Variants in RHOBTB1 observed in about 807,000 individuals in gnomAD.
RHOBTB1 encodes the protein rho-related BTB domain-containing protein 1.
A neutral mutation model predicts 71.6 loss-of-function variants in RHOBTB1; 40 were observed. That is an observed-to-expected ratio of 0.56 (90% CI 0.43 to 0.73). RHOBTB1 has a LOEUF of 0.73. Among genes scored for constraint, RHOBTB1 ranks in the 30% least tolerant of loss-of-function variants. The pLI, the probability that RHOBTB1 is intolerant of heterozygous loss-of-function variation, is 0.00. For missense variants in RHOBTB1, 797 were observed against 894.0 expected (o/e 0.89, Z 1.38); for synonymous variants, 319 against 334.9 (o/e 0.95, Z 0.52).
chr10:60,936,423 C>T (rs142235548), intron 2 of RHOBTB1, among the ~76,000 whole-genome samples: 193 of 152,292 alleles, frequency 1.3e-3, no homozygotes, highest in African/African-American at 3.2e-3. Flanking sequence ...TGTCAATTTG[C>T]GTATGCACAT....
chr10:60,973,801 T>C (rs907762304), intron 2 of RHOBTB1, among the ~76,000 whole-genome samples: 1 of 152,028 alleles, frequency 6.6e-6, no homozygotes, highest in Non-Finnish European at 1.5e-5. Context: ...ACTTGAGTTA[T>C]ATGTTAGGAA....
In RHOBTB1 at chr10:60,939,798, C is replaced by T. The variant is rs2134161770; in HGVS notation, c.-11+2006G>A. 2.0e-5 allele frequency among the ~76,000 whole-genome samples: 3 copies of T among 152,246 alleles called. No homozygotes were observed. The Middle Eastern group carries it at 0.01, about 521-fold the overall frequency. ...TGGCAGAATTTCAAATGTTTCCAGC[C>T]ATTTTTAAAGAGGTAAGTCATGCAT... On this transcript the variant is annotated intron_variant, in intron 2 of 10. Coordinates refer to ENST00000337910, the MANE Select transcript of RHOBTB1 (RefSeq NM_014836.5).
Position 60,871,650 on chromosome 10 carries a change from G to C in RHOBTB1, c.1923C>G (p.Asp641Glu). 1 of 1,613,438 alleles carries C rather than the reference G, an allele frequency of 6.2e-7. No individual in the cohort carries two copies. The highest frequency in any genetic ancestry group is 8.5e-7 in the Non-Finnish European group (1 of 1,179,788). ...GGTGCCGCTCGAAGTATTCCTGGTTGTCTGGTGAAGGAAAGATGCAGACCA... is the reference window on the plus strand; with the variant it reads ...GGTGCCGCTCGAAGTATTCCTGGTTCTCTGGTGAAGGAAAGATGCAGACCA... ...FRKEIKSKSA[D>E]NQEYFERHRW... The change falls in exon 11 of 11, where the codon GAC (aspartate) becomes GAG (glutamate). Residue 641 changes from aspartate (D) to glutamate (E), a missense_variant and splice_region_variant. By Grantham distance (45) the Asp-to-Glu change is conservative (BLOSUM62 2). Around this residue, in one of 2 missense-constraint regions of RHOBTB1, gnomAD observed 658 missense variants for 681.5 expected, o/e 0.97. Coordinates refer to ENST00000337910, the MANE Select transcript of RHOBTB1 (RefSeq NM_014836.5).
the RHOBTB1 span, among the ~76,000 whole-genome samples, chr10:60,862,536 CTCTT>C: frequency 1.1e-3 from 118 of 104,164 alleles, 1 homozygote; most frequent in South Asian, 4.0e-3. Context: ...CCCTTTCTTT[CTCTT>C]TCTTTCTTTC....
intron 1 of RHOBTB1, among the ~76,000 whole-genome samples, chr10:60,943,634 C>G (rs1014210631): frequency 2.0e-5 from 3 of 152,224 alleles, no homozygotes; most frequent in Non-Finnish European, 4.4e-5. Flanking sequence ...GGGGAAGCGC[C>G]TTCTCGTCGG....
At chr10:60,986,744 T>G (rs903156540) in intron 1 of RHOBTB1, among the ~76,000 whole-genome samples, 66 of 152,134 alleles carry the variant, frequency 4.3e-4, no homozygotes, top group African/African-American at 1.5e-3. Context: ...ACAGTACTTT[T>G]GCTTGGAGGT....
chr10:60,880,888 T>C (rs181757092), intron 7 of RHOBTB1, among the ~76,000 whole-genome samples: 3 of 152,374 alleles, frequency 2.0e-5, no homozygotes, highest in East Asian at 1.9e-4. Context: ...CAGGTATCCA[T>C]ACAAATTTGT....
At position 60,925,515 on chromosome 10, in the gene RHOBTB1, C is replaced by T. The variant is rs528214209; in HGVS notation, c.-10-13963G>A. Among the ~76,000 whole-genome samples, 129 of 151,754 alleles carry T rather than the reference C, an allele frequency of 8.5e-4. 1 individual carries two copies. The highest frequency in any genetic ancestry group is 3.0e-3 in the African/African-American group (126 of 41,388). ...TCAAATAAACAACCTTATAATATATCGTAAAGAACTAGAAAAGCAAGAGCA... is the reference window on the plus strand; with the variant it reads ...TCAAATAAACAACCTTATAATATATTGTAAAGAACTAGAAAAGCAAGAGCA... On this transcript the variant is annotated intron_variant, in intron 2 of 10. Coordinates refer to ENST00000337910, the MANE Select transcript of RHOBTB1 (RefSeq NM_014836.5).
Position 60,959,068 on chromosome 10 carries a change from G to A in RHOBTB1, c.-61-17214C>T, listed in dbSNP as rs547560306. Among the ~76,000 whole-genome samples, 644 of 152,094 alleles carry A rather than the reference G, an allele frequency of 4.2e-3. 1 individual carries two copies. Among genetic ancestry groups the A allele is most frequent in the Non-Finnish European group, 7.1e-3 (482 of 67,984 alleles). On this transcript the variant is annotated intron_variant, in intron 2 of 11. Coordinates refer to the RHOBTB1 transcript ENST00000357917. ...GTCAGGAATGCAAAGTTGCCTCAAC[G>A]TTCAAAAATCAGTCATAAATCACCA...
chr10:60,959,521 T>C (rs1322789066), intron 2 of RHOBTB1, among the ~76,000 whole-genome samples: 1 of 152,176 alleles, frequency 6.6e-6, no homozygotes, highest in Non-Finnish European at 1.5e-5. Flanking sequence ...TGCTAGTGGA[T>C]GTTGCTCACA....
intron 1 of RHOBTB1, among the ~76,000 whole-genome samples, chr10:60,986,404 GAT>G (rs34154360): frequency 0.25 from 17,041 of 67,504 alleles, 1,350 homozygotes; most frequent in East Asian, 0.43. Flanking sequence ...ATAAATAAAA[GAT>G]ATATATATAT....
At chr10:60,943,866 C>T (rs1185904882) in intron 1 of RHOBTB1, 105 bp downstream of exon 1, 1 of 152,398 alleles carries the variant, frequency 6.6e-6, no homozygotes, top group African/African-American at 2.4e-5. Flanking sequence ...CGTGGCACGG[C>T]CCAGGGCCCC....
At chr10:60,866,945 T>C (rs1406195902), downstream of RHOBTB1, among the ~76,000 whole-genome samples, 2 of 152,212 alleles carry the variant, frequency 1.3e-5, no homozygotes, top group African/African-American at 4.8e-5. Context: ...GTCTTCTCTC[T>C]TGGATTTTTG....
chr10:61,000,471 C>A (rs994448899), intron 1 of RHOBTB1, among the ~76,000 whole-genome samples: 2 of 152,002 alleles, frequency 1.3e-5, no homozygotes, highest in African/African-American at 4.8e-5. Context: ...AGTAATACAG[C>A]GCATAAAAAG....
Position 60,888,633 on chromosome 10 carries a change from C to A in RHOBTB1, c.1035G>T (p.Gln345His). The A allele has an allele frequency of 1.2e-6, 2 of 1,614,240 alleles. No individual in the cohort carries two copies. Among genetic ancestry groups the A allele is most frequent in the Non-Finnish European group, 1.7e-6 (2 of 1,180,044 alleles). Reference sequence around the variant, plus strand: ...CCAGGCTCTTGTTTGAAGACTTCCACTGGTCGGCCTGAGGAATCCTAGGCG... The same window carrying A: ...CCAGGCTCTTGTTTGAAGACTTCCAATGGTCGGCCTGAGGAATCCTAGGCG... ...EGPPRIPQAD[Q>H]WKSSNKSLVE... Residue 345 changes from glutamine (Q) to histidine (H), a missense_variant, in exon 6 of 11, where the codon CAG (glutamine) becomes CAT (histidine). Physicochemically the swap from Gln to His is conservative, Grantham distance 24. Around this residue, in one of 2 missense-constraint regions of RHOBTB1, gnomAD observed 658 missense variants for 681.5 expected, o/e 0.97. Coordinates refer to ENST00000337910, the MANE Select transcript of RHOBTB1 (RefSeq NM_014836.5).
upstream of RHOBTB1, chr10:61,001,453 C>A (rs1176635967): frequency 1.3e-5 from 2 of 151,136 alleles, no homozygotes; most frequent in Non-Finnish European, 3.0e-5. Context: ...GCGGCCGAGG[C>A]TGGCGCGGGC....
chr10:60,990,832 T>C (rs960877572), intron 1 of RHOBTB1, among the ~76,000 whole-genome samples: 1 of 152,218 alleles, frequency 6.6e-6, no homozygotes, highest in Non-Finnish European at 1.5e-5. Context: ...AATGTCACAA[T>C]GAGTCAGAAG....
chr10:60,936,045 G>A (rs950946161), intron 2 of RHOBTB1, among the ~76,000 whole-genome samples: 2 of 152,206 alleles, frequency 1.3e-5, no homozygotes, highest in Admixed American at 1.3e-4. Context: ...TGCTATATGT[G>A]TAGGTGTTAC....
rs755011040 is a variant in RHOBTB1, at chr10:60,888,719, T to A, written c.949A>T (p.Ser317Cys). Reference sequence around the variant, plus strand: ...AATATCCGCCCCTGGAAATCTCTGCTCTGCTTCTCTTTCTCACAGGCTCCT... The same window carrying A: ...AATATCCGCCCCTGGAAATCTCTGCACTGCTTCTCTTTCTCACAGGCTCCT... Reference protein sequence around the residue: ...SEGACEKEKQSRDFQGRILSV... With the variant: ...SEGACEKEKQCRDFQGRILSV... The change falls in exon 6 of 11, where the codon AGC becomes TGC. Residue 317 changes from serine (S) to cysteine (C), a missense_variant. Coordinates refer to ENST00000337910, the MANE Select transcript of RHOBTB1 (RefSeq NM_014836.5). 4 of 1,614,202 alleles carry A rather than the reference T, an allele frequency of 2.5e-6. No homozygotes were observed. Among genetic ancestry groups the A allele is most frequent in the Non-Finnish European group, 3.4e-6 (4 of 1,180,028 alleles).
Sources: allele counts gnomAD v4.1 joint callset (sites outside exome capture counted in the v4.1 genomes callset), GRCh38; gene constraint gnomAD v4.1.1; regional missense constraint gnomAD v4.1.1; transcripts MANE v1.5; gene names NCBI Gene and HGNC (gene_info 2026-07-23, HGNC 2026-07-21).